The following SHISA6 variants were observed in gnomAD, a reference collection of about 807,000 sequenced individuals.
The protein encoded by SHISA6 is shisa family member 6, also known as protein shisa-6.
A neutral mutation model predicts 47.9 loss-of-function variants in SHISA6; 22 were observed. That is an observed-to-expected ratio of 0.46 (90% CI 0.33 to 0.66). SHISA6 has a LOEUF of 0.66. Among genes scored for constraint, SHISA6 ranks in the 30% least tolerant of loss-of-function variants. SHISA6 has a pLI of 0.02. For synonymous variants in SHISA6, 388 were observed against 337.8 expected (o/e 1.15, Z -1.63); for missense variants, 680 against 764.6 (o/e 0.89, Z 1.30).
chr17:11,299,833 G>A (rs539032612), intron 2 of SHISA6, among the ~76,000 whole-genome samples: 1 of 152,092 alleles, frequency 6.6e-6, no homozygotes, highest in Non-Finnish European at 1.5e-5. Context: ...CACTTGCAAG[G>A]TTCCTTTTGC....
intron 3 of SHISA6, among the ~76,000 whole-genome samples, chr17:11,514,102 ACT>A (rs2071563183): frequency 6.6e-6 from 1 of 151,442 alleles, no homozygotes; most frequent in Non-Finnish European, 1.5e-5. Flanking sequence ...GGCAGTTCTG[ACT>A]CTGCTTTGTG....
intron 3 of SHISA6, among the ~76,000 whole-genome samples, chr17:11,446,840 A>G (rs900260233): frequency 6.6e-6 from 1 of 152,184 alleles, no homozygotes; most frequent in African/African-American, 2.4e-5. Flanking sequence ...CTTTGTCTGG[A>G]AACAGGAGTG....
chr17:11,555,640 G>C, intron 4 of SHISA6, 100 bp from the exon 5 acceptor site: 1 of 1,341,890 alleles, frequency 7.5e-7, no homozygotes, highest in Non-Finnish European at 9.9e-7. Flanking sequence ...CAGAGGTCCA[G>C]GAAAGGAGGA....
chr17:11,399,417 T>TTTTG (rs780216602), intron 3 of SHISA6, among the ~76,000 whole-genome samples: 2 of 152,188 alleles, frequency 1.3e-5, no homozygotes, highest in East Asian at 3.9e-4. Flanking sequence ...TTTTTAAAAT[T>TTTTG]TTTGTTTGTT....
intron 2 of SHISA6, among the ~76,000 whole-genome samples, chr17:11,292,446 T>C (rs1318857542): frequency 6.6e-6 from 1 of 152,052 alleles, no homozygotes; most frequent in African/African-American, 2.4e-5. Context: ...TCCCAGAATA[T>C]AAAGTAAAAT....
At chr17:11,474,131 T>TGGC (rs1237578445) in intron 3 of SHISA6, among the ~76,000 whole-genome samples, 21 of 152,202 alleles carry the variant, frequency 1.4e-4, no homozygotes, top group Admixed American at 1.4e-3. Context: ...ATGATGTATA[T>TGGC]GGCCACACTG....
At chr17:11,426,485 T>C (rs1462373947) in intron 3 of SHISA6, among the ~76,000 whole-genome samples, 15 of 152,202 alleles carry the variant, frequency 9.9e-5, no homozygotes. Context: ...AAGCATGATG[T>C]CTTAGCAAGA....
intron 2 of SHISA6, among the ~76,000 whole-genome samples, chr17:11,282,852 C>T (rs34503845): frequency 0.11 from 16,633 of 152,254 alleles, 1,139 homozygotes; most frequent in African/African-American, 0.19. Context: ...AGACTTGAGC[C>T]TGCAAACTGG....
rs776313290 is a variant in SHISA6 at position 11,241,899 on chromosome 17, G to A, written c.477G>A (p.Val159=). The A allele has an allele frequency of 2.6e-6, 4 of 1,551,146 alleles. No individual in the cohort carries two copies. Among genetic ancestry groups the A allele is most frequent in the Middle Eastern group, 3.3e-4 (2 of 5,990 alleles). The change falls in exon 1 of 6, where the codon GTG becomes GTA. Residue 159 remains valine, a synonymous_variant. Coordinates refer to ENST00000441885, the MANE Select transcript of SHISA6 (RefSeq NM_207386.4). This position sits in a 1 kb window ranked among gnomAD's most constrained non-coding sequence, Gnocchi z 5.5. ...VWVQTPSTKV[V]SPGPENKYDP... is the part of the protein sequence containing the mutation. The stretch of plus-strand genomic sequence containing the variant: ...TACAGACGCCCAGCACCAAGGTGGT[G>A]TCGCCGGGGCCCGAGAACAAGTACG...
intron 3 of SHISA6, among the ~76,000 whole-genome samples, chr17:11,424,434 CAAAT>C (rs1416691685): frequency 2.6e-5 from 4 of 151,884 alleles, no homozygotes; most frequent in South Asian, 2.1e-4. Flanking sequence ...CATTATAACA[CAAAT>C]AAAGACTGAG....
chr17:11,332,831 AC>A (rs1911172354), intron 2 of SHISA6, among the ~76,000 whole-genome samples: 1 of 152,106 alleles, frequency 6.6e-6, no homozygotes, highest in African/African-American at 2.4e-5. Context: ...TGACAGAGCA[AC>A]CCGTCATGTG....
chr17:11,277,538 A>G (rs1908968705), intron 2 of SHISA6, among the ~76,000 whole-genome samples: 1 of 152,188 alleles, frequency 6.6e-6, no homozygotes. Flanking sequence ...TATTTCTTGA[A>G]TAAACAAGTG....
chr17:11,461,056 T>A (rs1430207571), intron 3 of SHISA6, among the ~76,000 whole-genome samples: 1 of 152,140 alleles, frequency 6.6e-6, no homozygotes, highest in Non-Finnish European at 1.5e-5. Flanking sequence ...AAAGAGTGTG[T>A]GTTGAATCTG....
intron 2 of SHISA6, 94 bp from the exon 3 acceptor site, chr17:11,379,320 T>C (rs1402500972): frequency 7.6e-6 from 6 of 790,690 alleles, no homozygotes; most frequent in South Asian, 4.3e-5. Flanking sequence ...TTTGAAAACA[T>C]GCACGCCATC....
At chr17:11,455,293 T>C (rs140923680) in intron 3 of SHISA6, among the ~76,000 whole-genome samples, 2 of 152,170 alleles carry the variant, frequency 1.3e-5, no homozygotes, top group African/African-American at 4.8e-5. Flanking sequence ...AGATTTCATA[T>C]GGGATAATAG....
At chr17:11,254,168 C>T (rs1342241757) in intron 1 of SHISA6, among the ~76,000 whole-genome samples, 2 of 152,198 alleles carry the variant, frequency 1.3e-5, no homozygotes, top group East Asian at 3.8e-4. Context: ...GGTTGTCATC[C>T]ATCTTTCCCT....
intron 3 of SHISA6, among the ~76,000 whole-genome samples, chr17:11,388,808 A>ATATATAT (rs1567592097): frequency 2.3e-5 from 2 of 88,768 alleles, no homozygotes; most frequent in African/African-American, 9.8e-5. Flanking sequence ...ATATATATAT[A>ATATATAT]TATATATATA....
At chr17:11,275,149 AT>A (rs36121722) in intron 2 of SHISA6, among the ~76,000 whole-genome samples, 362 of 145,564 alleles carry the variant, frequency 2.5e-3, no homozygotes, top group Middle Eastern at 7.1e-3. Context: ...AGCAGGAGGA[AT>A]TTTTTTTTTT....
intron 4 of SHISA6, among the ~76,000 whole-genome samples, chr17:11,553,308 C>T (rs1477433794): frequency 6.6e-6 from 1 of 152,134 alleles, no homozygotes; most frequent in African/African-American, 2.4e-5. Flanking sequence ...CTGGGGGATG[C>T]CCACAGTGAT....
Sources: gnomAD v4.1 joint callset for allele counts (sites outside exome capture counted in the v4.1 genomes callset) on GRCh38, gnomAD v4.1.1 for gene constraint, Gnocchi (gnomAD v3.1) non-coding constraint, MANE v1.5 for transcripts, NCBI Gene and HGNC (gene_info 2026-07-23, HGNC 2026-07-21) for gene names.